NEURL1B: variants seen among roughly 807,000 people sequenced by gnomAD.
NEURL1B encodes neuralized E3 ubiquitin protein ligase 1B.
A neutral mutation model predicts 37.4 loss-of-function variants in NEURL1B; 13 were observed. That is an observed-to-expected ratio of 0.35 (90% CI 0.23 to 0.55). The LOEUF is 0.55. Ranked by LOEUF, NEURL1B falls within the 20% of genes least tolerant of loss-of-function variation. NEURL1B has a pLI of 0.89. For synonymous variants in NEURL1B, 432 were observed against 426.6 expected (o/e 1.01, Z -0.16); for missense variants, 790 against 879.2 (o/e 0.90, Z 1.28).
At chr5:172,646,866 G>A (rs1226175904) in intron 1 of NEURL1B, among the ~76,000 whole-genome samples, 1 of 151,862 alleles carries the variant, frequency 6.6e-6, no homozygotes, top group Non-Finnish European at 1.5e-5. Context: ...AGCAGCACAG[G>A]TGTGGGGGGC....
intron 1 of NEURL1B, among the ~76,000 whole-genome samples, chr5:172,649,025 C>T (rs1167000531): frequency 1.3e-5 from 2 of 152,240 alleles, no homozygotes; most frequent in Non-Finnish European, 2.9e-5. Flanking sequence ...GAGCTGCCTG[C>T]AGACCTGAAG....
At position 172,683,646 on chromosome 5, in the gene NEURL1B, C is replaced by T. The variant is rs1758412863; in HGVS notation, c.805C>T (p.Pro269Ser). Residue 269 changes from proline (P) to serine (S), a missense_variant, in exon 3 of 5, where the codon CCC (proline) becomes TCC (serine). Pro to Ser is a moderately conservative substitution (Grantham distance 74). Coordinates refer to ENST00000369800, the MANE Select transcript of NEURL1B (RefSeq NM_001142651.3). This position sits in a 1 kb window ranked among gnomAD's most constrained non-coding sequence, Gnocchi z 5.6. Reference protein sequence around the residue: ...IPCGPRERPRPASSPALLEAD... With the variant: ...IPCGPRERPRSASSPALLEAD... The stretch of plus-strand genomic sequence containing the variant: ...GTGCGGGCCCCGTGAGCGCCCGCGG[C>T]CCGCGTCGTCGCCGGCGCTACTGGA... 2 of 1,247,632 alleles carry T rather than the reference C, an allele frequency of 1.6e-6. No individual in the cohort carries two copies. Among genetic ancestry groups the T allele is most frequent in the East Asian group, 4.4e-5 (1 of 22,888 alleles). 77.3% of individuals were successfully genotyped at this position (1,247,632 alleles called of 1,614,324 possible). A position where few individuals can be genotyped will look rare whatever the true frequency, so the allele number is the denominator to read the frequency against.
intron 2 of NEURL1B, among the ~76,000 whole-genome samples, chr5:172,671,541 G>A (rs6894332): frequency 0.31 from 47,276 of 152,146 alleles, 10,485 homozygotes; most frequent in African/African-American, 0.64. Flanking sequence ...CTTCATGTGA[G>A]TGGAATCGCA....
intron 2 of NEURL1B, 97 bp downstream of exon 2, chr5:172,670,427 T>C: frequency 9.8e-7 from 1 of 1,018,256 alleles, no homozygotes; most frequent in Non-Finnish European, 1.3e-6. Context: ...TATGGAGAGC[T>C]CCTTTTGCCA....
chr5:172,656,316 GA>G (rs1367240070), intron 1 of NEURL1B, among the ~76,000 whole-genome samples: 2 of 151,940 alleles, frequency 1.3e-5, no homozygotes, highest in African/African-American at 4.8e-5. Flanking sequence ...GGAGATAATC[GA>G]AAAAGGTTGC....
At position 172,686,258 on chromosome 5, in the gene NEURL1B, G is replaced by A; in HGVS notation, c.1385G>A (p.Ser462Asn). The A allele has an allele frequency of 6.4e-7, 1 of 1,551,716 alleles. No individual in the cohort carries two copies. Among genetic ancestry groups the A allele is most frequent in the South Asian group, 1.2e-5 (1 of 84,064 alleles). ...QDDSDSDMTFSVNQSSSASES... is the reference protein window; with the variant it reads ...QDDSDSDMTFNVNQSSSASES... ...GATAGTGATTCAGATATGACCTTCA[G>A]TGTCAACCAGTCCTCCTCGGCATCT... The change falls in exon 4 of 5, where the codon AGT (serine) becomes AAT (asparagine). Residue 462 changes from serine (S) to asparagine (N), a missense_variant. Around this residue, in one of 3 missense-constraint regions of NEURL1B, gnomAD observed 115 missense variants for 162.6 expected, o/e 0.71. Transcript: ENST00000369800. This position sits in a 1 kb window ranked among gnomAD's most constrained non-coding sequence, Gnocchi z 7.9.
rs1464950317 is a variant in NEURL1B, at chr5:172,661,721, G to A, written c.32-8064G>A. Among the ~76,000 whole-genome samples the A allele has an allele frequency of 3.9e-5, 6 of 152,224 alleles. No individual in the cohort carries two copies. Among genetic ancestry groups the A allele is most frequent in the Admixed American group, 2.6e-4 (4 of 15,286 alleles). ...AAACCTCAGCCAGCATGCCATCTGCGGAACTCCAGCAGGCTGGAAGCCGGC... is the reference window on the plus strand; with the variant it reads ...AAACCTCAGCCAGCATGCCATCTGCAGAACTCCAGCAGGCTGGAAGCCGGC... On this transcript the variant is annotated intron_variant, in intron 1 of 4. Coordinates refer to ENST00000369800, the MANE Select transcript of NEURL1B (RefSeq NM_001142651.3). This position sits in a 1 kb window ranked among gnomAD's most constrained non-coding sequence, Gnocchi z 4.0.
chr5:172,648,963 G>C (rs1757608724), intron 1 of NEURL1B, among the ~76,000 whole-genome samples: 1 of 152,216 alleles, frequency 6.6e-6, no homozygotes, highest in African/African-American at 2.4e-5. Flanking sequence ...GCCATCCCCA[G>C]GGAAGCAAAG....
intron 1 of NEURL1B, among the ~76,000 whole-genome samples, chr5:172,653,275 G>GT (rs551039469): frequency 2.8e-4 from 43 of 151,936 alleles, no homozygotes; most frequent in Admixed American, 5.9e-4. Flanking sequence ...TTTAGCACCT[G>GT]TTTTTTTTAG....
intron 1 of NEURL1B, among the ~76,000 whole-genome samples, chr5:172,660,005 G>A (rs1323393944): frequency 6.6e-6 from 1 of 152,206 alleles, no homozygotes; most frequent in African/African-American, 2.4e-5. Context: ...GCTCGAGGGG[G>A]CGGGGACAGT....
intron 1 of NEURL1B, among the ~76,000 whole-genome samples, chr5:172,660,530 A>G (rs1364894213): frequency 6.6e-6 from 1 of 152,252 alleles, no homozygotes; most frequent in Non-Finnish European, 1.5e-5. Context: ...GATGCTGGCC[A>G]ACCAGGCCTC....
Position 172,669,876 on chromosome 5 carries a change from C to A in NEURL1B, c.123C>A (p.Phe41Leu). The A allele has an allele frequency of 7.0e-7, 1 of 1,419,108 alleles. No individual in the cohort carries two copies. Among genetic ancestry groups the A allele is most frequent in the Non-Finnish European group, 9.2e-7 (1 of 1,087,894 alleles). 87.9% of individuals were successfully genotyped at this position (1,419,108 alleles called of 1,614,324 possible). A position where few individuals can be genotyped will look rare whatever the true frequency, so the allele number is the denominator to read the frequency against. The change falls in exon 2 of 5, where the codon TTC (phenylalanine) becomes TTA (leucine). Residue 41 changes from phenylalanine to leucine, a missense_variant. Coordinates refer to ENST00000369800, the MANE Select transcript of NEURL1B (RefSeq NM_001142651.3). The stretch of plus-strand genomic sequence containing the variant: ...CGGTCCTGGGCGAGGCGCCGCGCTT[C>A]CACGCGCAGGCCAAAGGCAAGAACG... ...RRPVLGEAPR[F>L]HAQAKGKNVR...
chr5:172,651,388 G>C (rs1463237111), intron 1 of NEURL1B, among the ~76,000 whole-genome samples: 3 of 152,220 alleles, frequency 2.0e-5, no homozygotes, highest in Non-Finnish European at 4.4e-5. Context: ...AGGGAAATAA[G>C]AATTGAGGGT....
At chr5:172,684,426 TAAACCACCGA>T in intron 3 of NEURL1B, among the ~76,000 whole-genome samples, 3 of 152,002 alleles carry the variant, frequency 2.0e-5, no homozygotes, top group African/African-American at 7.3e-5. Flanking sequence ...CCACATTTTG[TAAACCACCGA>T]CCTAGATAGG....
At chr5:172,680,705 A>G (rs760734432) in intron 2 of NEURL1B, among the ~76,000 whole-genome samples, 20 of 152,226 alleles carry the variant, frequency 1.3e-4, no homozygotes, top group Non-Finnish European at 1.9e-4. Flanking sequence ...ATGTATTTCT[A>G]TATTTTTCCT....
chr5:172,683,623 G>A lies in NEURL1B; in HGVS notation c.782G>A (p.Cys261Tyr). The change falls in exon 3 of 5, where the codon TGC becomes TAC. Residue 261 changes from cysteine (C) to tyrosine (Y), a missense_variant. By Grantham distance (194) the Cys-to-Tyr change is radical. Coordinates refer to ENST00000369800, the MANE Select transcript of NEURL1B (RefSeq NM_001142651.3). This position sits in a 1 kb window ranked among gnomAD's most constrained non-coding sequence, Gnocchi z 5.6. ...GACGCCGCGGCCGCCGCCATTCCGTGCGGGCCCCGTGAGCGCCCGCGGCCC... is the reference window on the plus strand; with the variant it reads ...GACGCCGCGGCCGCCGCCATTCCGTACGGGCCCCGTGAGCGCCCGCGGCCC... Reference protein sequence around the residue: ...PADAAAAAIPCGPRERPRPAS... With the variant: ...PADAAAAAIPYGPRERPRPAS... The A allele has an allele frequency of 8.0e-7, 1 of 1,249,426 alleles. No individual in the cohort carries two copies. The allele number at this position is 1,249,426 out of a possible 1,614,324, so 77.4% of individuals were successfully genotyped here.
intron 2 of NEURL1B, among the ~76,000 whole-genome samples, chr5:172,673,254 A>G (rs943621683): frequency 6.6e-6 from 1 of 152,142 alleles, no homozygotes; most frequent in Non-Finnish European, 1.5e-5. Context: ...CAAAAATCCC[A>G]CCCAAAATCT....
At position 172,683,456 on chromosome 5, in the gene NEURL1B, C is replaced by A; in HGVS notation, c.615C>A (p.Leu205=). The change falls in exon 3 of 5, where the codon CTC becomes CTA. Residue 205 remains leucine, a synonymous_variant. Transcript: ENST00000369800. The surrounding 1 kb of genome is among the most constrained non-coding windows in gnomAD (Gnocchi z 5.6). ...AFADTLTPAR[L]SQARFSACLP... ...CTGACACGCTGACGCCCGCGCGCCT[C>A]AGCCAGGCCCGCTTCAGCGCCTGCC... The A allele has an allele frequency of 2.7e-6, 4 of 1,466,532 alleles. No individual in the cohort carries two copies. In the South Asian group the frequency reaches 3.9e-5, roughly 14 times the overall value. 90.8% of individuals were successfully genotyped at this position (1,466,532 alleles called of 1,614,324 possible). A position where few individuals can be genotyped will look rare whatever the true frequency, so the allele number is the denominator to read the frequency against.
At position 172,647,864 on chromosome 5, in the gene NEURL1B, G is replaced by C. The variant is rs1417477924; in HGVS notation, c.31+6427G>C. On this transcript the variant is annotated intron_variant, in intron 1 of 4. Transcript: ENST00000369800. The surrounding 1 kb of genome is among the most constrained non-coding windows in gnomAD (Gnocchi z 4.2). Reference sequence around the variant, plus strand: ...CTCAGGCTCCTGACTCATCTGCCTGGTAAAAACTGGCCCATGCTGACACCC... The same window carrying C: ...CTCAGGCTCCTGACTCATCTGCCTGCTAAAAACTGGCCCATGCTGACACCC... Among the ~76,000 whole-genome samples the C allele has an allele frequency of 6.6e-6, 1 of 152,030 alleles. No homozygotes were observed. Among genetic ancestry groups the C allele is most frequent in the Non-Finnish European group, 1.5e-5 (1 of 68,016 alleles).
Sources: gnomAD v4.1 joint callset for allele counts (sites outside exome capture counted in the v4.1 genomes callset) on GRCh38, gnomAD v4.1.1 for gene constraint, gnomAD v4.1.1 regional missense constraint, Gnocchi (gnomAD v3.1) non-coding constraint, MANE v1.5 for transcripts, NCBI Gene and HGNC (gene_info 2026-07-23, HGNC 2026-07-21) for gene names.